The following PDPR variants were observed in gnomAD, a reference collection of about 807,000 sequenced individuals.
PDPR encodes the protein pyruvate dehydrogenase phosphatase regulatory subunit, also known as pyruvate dehydrogenase phosphatase regulatory subunit, mitochondrial.
Under a neutral mutation model 102.2 loss-of-function variants are expected in PDPR, and 50 were observed. The ratio of observed to expected loss-of-function variants is 0.49; its 90% CI spans 0.39 to 0.62. PDPR has a LOEUF of 0.62. Among genes scored for constraint, PDPR ranks in the 20% least tolerant of loss-of-function variants. The pLI is 0.00. For synonymous variants in PDPR, 259 were observed against 406.0 expected, an observed-to-expected ratio of 0.64 and a Z score of 4.35; for missense variants, 625 against 1,098.2, an observed-to-expected ratio of 0.57 and a Z score of 6.09.
downstream of PDPR, among the ~76,000 whole-genome samples, chr16:70,163,265 A>AT (rs1967935413): frequency 7.2e-6 from 1 of 139,044 alleles, no homozygotes; most frequent in Non-Finnish European, 1.6e-5. Flanking sequence ...ATTTTTGAGT[A>AT]GTTTTTTTTT....
chr16:70,155,746 G>C (rs1016521570), intron 18 of PDPR, among the ~76,000 whole-genome samples: 1 of 151,950 alleles, frequency 6.6e-6, no homozygotes, highest in African/African-American at 2.4e-5. Context: ...GTGTATATAT[G>C]TGTGTATGCA....
intron 17 of PDPR, among the ~76,000 whole-genome samples, chr16:70,152,031 C>T (rs1405304148): frequency 6.6e-6 from 1 of 152,384 alleles, no homozygotes; most frequent in Non-Finnish European, 1.5e-5. Context: ...TGGTCATCCT[C>T]TTACCTAAAG....
At position 70,156,773 on chromosome 16, in the gene PDPR, C is replaced by T. The variant is rs201167369; in HGVS notation, c.2534C>T (p.Ala845Val). 719 of 1,613,640 alleles carry T rather than the reference C, an allele frequency of 4.5e-4. No individual in the cohort carries two copies. Among genetic ancestry groups the T allele is most frequent in the Non-Finnish European group, 5.6e-4 (665 of 1,179,618 alleles). ...INRGEYEIDI[A>V]GYRFQAKAKL... ...CGGGGAGAGTATGAGATTGACATCG[C>T]GGGATACCGCTTCCAGGCCAAGGCC... The change falls in exon 19 of 19, where the codon GCG becomes GTG. Residue 845 changes from alanine (A) to valine (V), a missense_variant. Ala to Val is a moderately conservative substitution (Grantham distance 64). Transcript: ENST00000288050.
In PDPR at chr16:70,162,177, C is replaced by G. The variant is rs2152131499; in HGVS notation, c.*5298C>G. 6.6e-6 allele frequency: 1 copy of G among 152,650 alleles called. No homozygotes were observed. Among genetic ancestry groups the G allele is most frequent in the African/African-American group, 2.4e-5 (1 of 41,604 alleles). The allele number at this position is 152,650 out of a possible 1,614,324, so 9.5% of individuals were successfully genotyped here. A position where few individuals can be genotyped will look rare whatever the true frequency, so the allele number is the denominator to read the frequency against. On this transcript the variant is annotated 3_prime_UTR_variant, in exon 19 of 19. Coordinates refer to ENST00000288050, the MANE Select transcript of PDPR (RefSeq NM_017990.5). ...GAAAGCTCTTTCAGTGAAGGGTGTT[C>G]TAGCAGCTCAGTTAACACTTTACTC...
intron 2 of PDPR, among the ~76,000 whole-genome samples, chr16:70,115,414 G>T (rs542635553): frequency 2.6e-5 from 4 of 152,196 alleles, no homozygotes; most frequent in Non-Finnish European, 5.9e-5. Flanking sequence ...GAGCCACTGC[G>T]CTCGGCCAAC....
downstream of PDPR, among the ~76,000 whole-genome samples, chr16:70,162,760 C>T (rs2152132353): frequency 6.6e-6 from 1 of 152,388 alleles, no homozygotes; most frequent in African/African-American, 2.4e-5. Flanking sequence ...TCCGACCGGC[C>T]TTCTGCCTAC....
At chr16:70,162,565 G>C (rs1344215006), downstream of PDPR, 4 of 152,524 alleles carry the variant, frequency 2.6e-5, no homozygotes, top group Admixed American at 1.3e-4. Context: ...TTCTTCATCT[G>C]TAGTGACTTA....
chr16:70,156,809 C>G lies in PDPR; in HGVS notation c.2570C>G (p.Pro857Arg). The G allele has an allele frequency of 6.2e-7, 1 of 1,614,070 alleles. No homozygotes were observed. Among genetic ancestry groups the G allele is most frequent in the Non-Finnish European group, 8.5e-7 (1 of 1,179,904 alleles). Reference protein sequence around the residue: ...YRFQAKAKLYPVASLFTQKRR... With the variant: ...YRFQAKAKLYRVASLFTQKRR... ...TTCCAGGCCAAGGCCAAGCTCTACC[C>G]TGTCGCCTCCCTCTTCACCCAGAAG... The change falls in exon 19 of 19, where the codon CCT becomes CGT. Residue 857 changes from proline to arginine, a missense_variant. Pro to Arg is a moderately radical substitution (Grantham distance 103, BLOSUM62 -2). Coordinates refer to ENST00000288050, the MANE Select transcript of PDPR (RefSeq NM_017990.5).
rs749877537 is a variant in PDPR at position 70,156,660 on chromosome 16, C to G, written c.2421C>G (p.Ser807Arg). ...GKTTSSAYSY[S>R]LERHVCLGFV... Reference sequence around the variant, plus strand: ...CCACCAGCAGTGCCTACAGCTACAGCCTGGAGCGCCACGTTTGCCTGGGCT... The same window carrying G: ...CCACCAGCAGTGCCTACAGCTACAGGCTGGAGCGCCACGTTTGCCTGGGCT... Residue 807 changes from serine to arginine, a missense_variant, in exon 19 of 19, where the codon AGC becomes AGG. Physicochemically the swap from Ser to Arg is moderately radical, Grantham distance 110 (BLOSUM62 -1). Coordinates refer to ENST00000288050, the MANE Select transcript of PDPR (RefSeq NM_017990.5). 4 of 1,613,960 alleles carry G rather than the reference C, an allele frequency of 2.5e-6. No homozygotes were observed. Among genetic ancestry groups the G allele is most frequent in the Non-Finnish European group, 3.4e-6 (4 of 1,179,924 alleles).
At chr16:70,155,522 GA>G (rs1357653522) in intron 18 of PDPR, among the ~76,000 whole-genome samples, 1 of 152,262 alleles carries the variant, frequency 6.6e-6, no homozygotes. Context: ...GCTGAAGTGG[GA>G]GAATCACTTG....
chr16:70,152,828 A>G (rs556545312), intron 17 of PDPR, among the ~76,000 whole-genome samples: 1 of 152,414 alleles, frequency 6.6e-6, no homozygotes, highest in East Asian at 1.9e-4. Flanking sequence ...TGAAACCAAG[A>G]AAAGAGCAGC....
intron 3 of PDPR, among the ~76,000 whole-genome samples, chr16:70,124,667 A>G (rs577002563): frequency 3.0e-3 from 456 of 152,248 alleles, no homozygotes; most frequent in African/African-American, 0.01. Context: ...AAGGAGTGCT[A>G]TCCCAGCAGA....
chr16:70,138,548 C>T (rs1378340441), intron 10 of PDPR, among the ~76,000 whole-genome samples: 3 of 151,818 alleles, frequency 2.0e-5, no homozygotes, highest in Non-Finnish European at 2.9e-5. Context: ...GAGACGGGGT[C>T]TTACTATGTT....
Position 70,153,479 on chromosome 16 carries a change from G to A in PDPR, c.2141G>A (p.Arg714Gln), listed in dbSNP as rs766263682. 2.1e-5 allele frequency: 34 copies of A among 1,613,356 alleles called. No homozygotes were observed. The East Asian group carries it at 3.1e-4, about 15-fold the overall frequency. ...NAGYYALRSL[R>Q]IEKFFAFWGQ... ...GGGTATTACGCTCTTCGCAGTCTCCGAATTGAGAAGTTTTTTGCCTTCTGG... is the reference window on the plus strand; with the variant it reads ...GGGTATTACGCTCTTCGCAGTCTCCAAATTGAGAAGTTTTTTGCCTTCTGG... The change falls in exon 18 of 19, where the codon CGA (arginine) becomes CAA (glutamine). Residue 714 changes from arginine (R) to glutamine (Q), a missense_variant. By Grantham distance (43) the Arg-to-Gln change is conservative (BLOSUM62 1). This residue lies in a region of PDPR where 303 missense variants were observed against 258.9 expected (regional missense o/e 1.17). Transcript: ENST00000288050.
At chr16:70,134,860 A>G (rs1027496634) in intron 9 of PDPR, among the ~76,000 whole-genome samples, 1 of 152,246 alleles carries the variant, frequency 6.6e-6, no homozygotes, top group Non-Finnish European at 1.5e-5. Context: ...TCTCTAATGA[A>G]GAATTTCCCT....
intron 7 of PDPR, among the ~76,000 whole-genome samples, chr16:70,130,943 CTA>C (rs1300206851): frequency 1.3e-5 from 2 of 152,282 alleles, no homozygotes; most frequent in African/African-American, 4.8e-5. Context: ...GCCTTCCATG[CTA>C]TGATCCCGAA....
At chr16:70,125,239 G>A (rs774789300) in intron 3 of PDPR, among the ~76,000 whole-genome samples, 1 of 152,250 alleles carries the variant, frequency 6.6e-6, no homozygotes. Context: ...AGCCAGGCAT[G>A]GTGGTGCACA....
At chr16:70,143,314 T>C (rs922717598) in intron 13 of PDPR, among the ~76,000 whole-genome samples, 196 bp from the exon 14 acceptor site, 3 of 152,298 alleles carry the variant, frequency 2.0e-5, no homozygotes, top group Non-Finnish European at 2.9e-5. Flanking sequence ...TTTAATTTGC[T>C]AGAGAGGCCT....
chr16:70,156,745 A>G lies in PDPR; in HGVS notation c.2506A>G (p.Asn836Asp). The change falls in exon 19 of 19, where the codon AAC becomes GAC. Residue 836 changes from asparagine (N) to aspartate (D), a missense_variant. Asn to Asp is a conservative substitution (Grantham distance 23). Transcript: ENST00000288050. ...EEQVVTADFI[N>D]RGEYEIDIAG... is the part of the protein sequence containing the mutation. Reference sequence around the variant, plus strand: ...GCAAGTGGTGACAGCAGATTTCATCAACCGGGGAGAGTATGAGATTGACAT... The same window carrying G: ...GCAAGTGGTGACAGCAGATTTCATCGACCGGGGAGAGTATGAGATTGACAT... 6.2e-7 allele frequency: 1 copy of G among 1,614,114 alleles called. No individual in the cohort carries two copies. Among genetic ancestry groups the G allele is most frequent in the Non-Finnish European group, 8.5e-7 (1 of 1,179,916 alleles).
Sources: allele counts gnomAD v4.1 joint callset (sites outside exome capture counted in the v4.1 genomes callset), GRCh38; gene constraint gnomAD v4.1.1; regional missense constraint gnomAD v4.1.1; transcripts MANE v1.5; gene names NCBI Gene and HGNC (gene_info 2026-07-23, HGNC 2026-07-21).